The following TACC1 variants were observed in gnomAD, a reference collection of about 807,000 sequenced individuals.
TACC1 encodes the protein transforming acidic coiled-coil-containing protein 1.
Under a neutral mutation model 84.4 loss-of-function variants are expected in TACC1, and 48 were observed. The observed-to-expected ratio is 0.57, with a 90% CI of 0.45 to 0.72. The LOEUF is 0.72. Among genes scored for constraint, TACC1 ranks in the 30% least tolerant of loss-of-function variants. The probability of loss-of-function intolerance (pLI) is 0.00; values close to 1 mark genes in which losing one functional copy is unlikely to be tolerated. For missense variants in TACC1, 920 were observed against 973.0 expected (o/e 0.95, Z 0.72); for synonymous variants, 372 against 376.3 (o/e 0.99, Z 0.13).
In TACC1 at chr8:38,739,584, A is replaced by G. The variant is rs552012100; in HGVS notation, c.-674-2767A>G. Among the ~76,000 whole-genome samples the G allele has an allele frequency of 8.5e-4, 130 of 152,332 alleles. 1 individual carries two copies. Among genetic ancestry groups the G allele is most frequent in the Non-Finnish European group, 1.5e-3 (99 of 68,026 alleles). On this transcript the variant is annotated intron_variant, in intron 1 of 14. Coordinates refer to the TACC1 transcript ENST00000518415. Reference sequence around the variant, plus strand: ...TGTAATACAGTTAGATTGATTTGTCACAGTCGGCATTTCATCTGCATTTCC... The same window carrying G: ...TGTAATACAGTTAGATTGATTTGTCGCAGTCGGCATTTCATCTGCATTTCC...
chr8:38,767,587 C>G (rs1253189819), intron 3 of TACC1, among the ~76,000 whole-genome samples: 2 of 152,228 alleles, frequency 1.3e-5, no homozygotes, highest in Non-Finnish European at 2.9e-5. Context: ...CATCTCCTTC[C>G]TGCTTCTTGC....
chr8:38,831,296 G>A, intron 6 of TACC1, 119 bp downstream of exon 6: 3 of 1,013,626 alleles, frequency 3.0e-6, no homozygotes, highest in Non-Finnish European at 4.6e-6. Flanking sequence ...AAATGTAAAT[G>A]AGATAGTTTC....
chr8:38,748,187 G>T (rs1372317518), intron 3 of TACC1, among the ~76,000 whole-genome samples: 2 of 151,874 alleles, frequency 1.3e-5, no homozygotes, highest in African/African-American at 2.4e-5. Flanking sequence ...AATAAAAATA[G>T]ATTTCTAAAA....
At chr8:38,831,876 G>A (rs568912704) in intron 6 of TACC1, among the ~76,000 whole-genome samples, 2 of 150,636 alleles carry the variant, frequency 1.3e-5, no homozygotes, top group African/African-American at 2.4e-5. Flanking sequence ...ACGCAATCTC[G>A]GCTCACTACA....
At chr8:38,734,724 C>T (rs558362228) in intron 1 of TACC1, among the ~76,000 whole-genome samples, 85 of 152,376 alleles carry the variant, frequency 5.6e-4, no homozygotes, top group South Asian at 1.9e-3. Flanking sequence ...CTTGGCCTGC[C>T]GGGCCTGGCA....
rs539602734 is a variant in TACC1 at position 38,778,319 on chromosome 8, A to G, written c.27-10385A>G. ...GTGTATGTGTGTGTTTACAATGGGT[A>G]CAGAAGGAACAGAGCCATGAATTAT... On this transcript the variant is annotated intron_variant, in intron 3 of 14. Transcript: ENST00000518415. Among the ~76,000 whole-genome samples, 7 of 151,914 alleles carry G rather than the reference A, an allele frequency of 4.6e-5. No individual in the cohort carries two copies. The East Asian group carries it at 1.4e-3, about 29-fold the overall frequency.
intron 1 of TACC1, among the ~76,000 whole-genome samples, chr8:38,734,615 T>C (rs759065724): frequency 9.2e-5 from 14 of 152,250 alleles, no homozygotes; most frequent in Non-Finnish European, 1.6e-4. Context: ...GGTATGTTTA[T>C]TATGCAACAA....
upstream of TACC1, among the ~76,000 whole-genome samples, chr8:38,782,977 T>C (rs1816329377): frequency 6.6e-6 from 1 of 152,052 alleles, no homozygotes; most frequent in Non-Finnish European, 1.5e-5. Context: ...AACTTTCTTA[T>C]AAAGTCAATA....
intron 5 of TACC1, among the ~76,000 whole-genome samples, chr8:38,829,279 C>T (rs1828751903): frequency 6.6e-6 from 1 of 152,204 alleles, no homozygotes; most frequent in Non-Finnish European, 1.5e-5. Flanking sequence ...CCCCTGGCCT[C>T]CTTCTCATCC....
intron 2 of TACC1, among the ~76,000 whole-genome samples, chr8:38,803,068 A>AT (rs905991603): frequency 3.9e-5 from 6 of 151,956 alleles, no homozygotes; most frequent in East Asian, 1.9e-4. Flanking sequence ...TGTTTTCTTA[A>AT]TTTTTTTTGG....
chr8:38,785,058 G>A (rs982059835), upstream of TACC1, among the ~76,000 whole-genome samples: 1 of 148,118 alleles, frequency 6.8e-6, no homozygotes, highest in Non-Finnish European at 1.5e-5. Context: ...AGGACAATGA[G>A]CCTGCTTCCC....
exon 2 of TACC1, chr8:38,742,381 C>T: frequency 6.7e-7 from 1 of 1,497,344 alleles, no homozygotes; most frequent in South Asian, 1.3e-5. Flanking sequence ...GAGAGAGGTC[C>T]TGGTCTTGAT....
chr8:38,779,462 C>G (rs1284155310), intron 3 of TACC1, among the ~76,000 whole-genome samples: 1 of 152,244 alleles, frequency 6.6e-6, no homozygotes, highest in African/African-American at 2.4e-5. Flanking sequence ...TAGGCCTGCT[C>G]TCCGCCCTTT....
intron 1 of TACC1, among the ~76,000 whole-genome samples, chr8:38,733,254 C>T (rs898447665): frequency 1.3e-5 from 2 of 152,076 alleles, no homozygotes; most frequent in Non-Finnish European, 2.9e-5. Flanking sequence ...CCCACCAAGC[C>T]CCGCTCTGCA....
In TACC1 at chr8:38,772,906, A is replaced by T. The variant is rs1813946562; in HGVS notation, c.27-15798A>T. Among the ~76,000 whole-genome samples, 4 of 152,092 alleles carry T rather than the reference A, an allele frequency of 2.6e-5. No individual in the cohort carries two copies. In the South Asian group the frequency reaches 6.2e-4, roughly 24 times the overall value. ...ACAAATATTTAAACATGCATAAAGT[A>T]CTCACCTCTATTGATTAAGGTTTGT... On this transcript the variant is annotated intron_variant, in intron 3 of 14. Coordinates refer to the TACC1 transcript ENST00000518415.
In TACC1 at chr8:38,745,747, T is replaced by C. The variant is rs2151708517; in HGVS notation, c.26+254T>C. ...TTAGTAGAGACAGGGTTTCACCATA[T>C]TGGTCAGGCTGGTCTTAAACTCCTG... is the stretch of plus-strand genomic sequence containing the variant. On this transcript the variant is annotated intron_variant, in intron 3 of 14. Transcript: ENST00000518415. Among the ~76,000 whole-genome samples the C allele has an allele frequency of 1.3e-5, 2 of 152,292 alleles. 1 individual carries two copies. Among genetic ancestry groups the C allele is most frequent in the South Asian group, 4.1e-4 (2 of 4,828 alleles).
chr8:38,797,736 T>G (rs1820319465), intron 2 of TACC1, among the ~76,000 whole-genome samples: 1 of 152,232 alleles, frequency 6.6e-6, no homozygotes, highest in South Asian at 2.1e-4. Context: ...ACATTATGGT[T>G]GTTTGGCAGC....
At chr8:38,785,728 T>C (rs1449739670), upstream of TACC1, 1 of 985,164 alleles carries the variant, frequency 1.0e-6, no homozygotes, top group Admixed American at 6.1e-5. Context: ...GAACCTGAAG[T>C]TTTACTGGGT....
chr8:38,787,359 C>A lies in TACC1; in HGVS notation c.-224C>A. 7.6e-7 allele frequency: 1 copy of A among 1,313,200 alleles called. No individual in the cohort carries two copies. The highest frequency in any genetic ancestry group is 4.2e-5 in the Admixed American group (1 of 23,924). 81.3% of individuals were successfully genotyped at this position (1,313,200 alleles called of 1,614,324 possible). ...GTGGAGCCCGGCGCGGGGCCCGCTG[C>A]GGCCGCACCGTGAGGGGAGGAGGCC... On this transcript the variant is annotated 5_prime_UTR_variant, in exon 1 of 13. Coordinates refer to ENST00000317827, the MANE Select transcript of TACC1 (RefSeq NM_006283.3).
Sources: allele counts gnomAD v4.1 joint callset (sites outside exome capture counted in the v4.1 genomes callset), GRCh38; gene constraint gnomAD v4.1.1; transcripts MANE v1.5; gene names NCBI Gene and HGNC (gene_info 2026-07-23, HGNC 2026-07-21).